Variants in WNT5B observed in about 807,000 individuals in gnomAD.
The protein encoded by WNT5B is protein Wnt-5b.
WNT5B carries 18 observed loss-of-function variants against 36.5 expected under a neutral mutation model. The ratio of observed to expected loss-of-function variants is 0.49; its 90% CI spans 0.34 to 0.73. The LOEUF is 0.73. Ranked by LOEUF, WNT5B falls within the 30% of genes least tolerant of loss-of-function variation. WNT5B has a pLI of 0.01. For missense variants in WNT5B, 424 were observed against 508.4 expected (o/e 0.83, Z 1.60); for synonymous variants, 213 against 212.3 (o/e 1.00, Z -0.03).
chr12:1,636,923 G>A (rs550745820), intron 3 of WNT5B, among the ~76,000 whole-genome samples: 1 of 152,198 alleles, frequency 6.6e-6, no homozygotes, highest in East Asian at 1.9e-4. Flanking sequence ...GGCCAAGCGG[G>A]TCTCGAACTC....
At chr12:1,626,642 G>A (rs188648075), upstream of WNT5B, among the ~76,000 whole-genome samples, 1,361 of 150,880 alleles carry the variant, frequency 9.0e-3, 20 homozygotes, top group African/African-American at 0.032. Flanking sequence ...TTGACCCACT[G>A]CACGCTCCGC....
chr12:1,623,337 A>T, intron 1 of WNT5B, among the ~76,000 whole-genome samples: 1 of 150,212 alleles, frequency 6.7e-6, no homozygotes. Flanking sequence ...CTGGGACTAC[A>T]GGCGCCCACC....
intron 4 of WNT5B, among the ~76,000 whole-genome samples, chr12:1,641,318 G>A (rs983725505): frequency 2.7e-4 from 40 of 149,936 alleles, no homozygotes; most frequent in Admixed American, 1.2e-3. Context: ...CCTGGGAGGC[G>A]GAGGCTGCAG....
At position 1,631,411 on chromosome 12, in the gene WNT5B, T is replaced by G. The variant is rs2094550607; in HGVS notation, c.57T>G (p.Leu19=). ...CTCTGCTGTCCAGCTGGGCTCAGCT[T>G]CTGACAGACGCCAACTCCTGGTGGT... ...TAALLSSWAQ[L]LTDANSWWSL... Residue 19 remains leucine, a synonymous_variant, in exon 2 of 5, where the codon CTT becomes CTG. Transcript: ENST00000397196. 6.2e-7 allele frequency: 1 copy of G among 1,614,134 alleles called. No homozygotes were observed. The highest frequency in any genetic ancestry group is 8.5e-7 in the Non-Finnish European group (1 of 1,180,030).
chr12:1,617,542 A>T (rs1218859655), intron 1 of WNT5B, among the ~76,000 whole-genome samples: 2 of 152,108 alleles, frequency 1.3e-5, no homozygotes, highest in Non-Finnish European at 2.9e-5. Flanking sequence ...AGGTAGGAGG[A>T]TCACCTGACC....
chr12:1,634,903 C>T (rs149541858), intron 3 of WNT5B, among the ~76,000 whole-genome samples: 1,600 of 152,340 alleles, frequency 0.011, 37 homozygotes, highest in Admixed American at 0.026. Context: ...CTGCTGTCTC[C>T]TGTAGGGAAA....
rs1461106389 is a variant in WNT5B at position 1,646,466 on chromosome 12, A to C, written c.*214A>C. The C allele has an allele frequency of 3.1e-6, 1 of 327,548 alleles. No homozygotes were observed. The highest frequency in any genetic ancestry group is 4.6e-5 in the Admixed American group (1 of 21,950). The allele number at this position is 327,548 out of a possible 1,614,324, so 20.3% of individuals were successfully genotyped here. A position where few individuals can be genotyped will look rare whatever the true frequency, so the allele number is the denominator to read the frequency against. ...TCTCTCCTCTTGGTGGGTGGGAGAC[A>C]GGGCTTTTTCTCTCCCTCTGGCGAG... On this transcript the variant is annotated 3_prime_UTR_variant, in exon 5 of 5. Coordinates refer to ENST00000397196, the MANE Select transcript of WNT5B (RefSeq NM_032642.3).
At position 1,618,068 on chromosome 12, in the gene WNT5B, G is replaced by A. The variant is rs1308643843; in HGVS notation, c.-58+925G>A. 2.6e-5 allele frequency among the ~76,000 whole-genome samples: 4 copies of A among 152,126 alleles called. No individual in the cohort carries two copies. Among genetic ancestry groups the A allele is most frequent in the Non-Finnish European group, 5.9e-5 (4 of 68,028 alleles). On this transcript the variant is annotated intron_variant, in intron 1 of 4. Transcript: ENST00000310594. This position sits in a 1 kb window ranked among gnomAD's most constrained non-coding sequence, Gnocchi z 4.1. ...GAGGTGGGAGGATCGCTTGAGCCCA[G>A]GAGTTCGAGGCTGCAGTGAGCTGTG...
chr12:1,620,405 C>G (rs1202796673), intron 1 of WNT5B, among the ~76,000 whole-genome samples: 1 of 152,198 alleles, frequency 6.6e-6, no homozygotes, highest in African/African-American at 2.4e-5. Flanking sequence ...TTGCATGTAA[C>G]TTGTAGTTTG....
At chr12:1,631,239 C>G (rs1252213927) in intron 1 of WNT5B, 59 bp from the exon 2 acceptor site, 2 of 1,477,590 alleles carry the variant, frequency 1.4e-6, no homozygotes, top group East Asian at 2.3e-5. Context: ...CACCCCGGCT[C>G]CTGGTCTGCC....
At chr12:1,631,847 G>A (rs760567315) in intron 2 of WNT5B, among the ~76,000 whole-genome samples, 7 of 152,138 alleles carry the variant, frequency 4.6e-5, no homozygotes, top group Non-Finnish European at 7.3e-5. Flanking sequence ...ACAGCACCAT[G>A]GGTGGCTGGC....
chr12:1,624,800 A>C (rs1020891612), upstream of WNT5B, among the ~76,000 whole-genome samples: 1 of 152,194 alleles, frequency 6.6e-6, no homozygotes, highest in South Asian at 2.1e-4. Flanking sequence ...AGAAGTAAGA[A>C]GTATATACTT....
Position 1,630,731 on chromosome 12 carries a change from G to C in WNT5B, c.-57-567G>C, listed in dbSNP as rs796557388. ...TGAAAAGTCCTTGATCTGTACGCAG[G>C]GGTTGGGACTTAGGAAACCCGCTGA... On this transcript the variant is annotated intron_variant, in intron 1 of 4. Transcript: ENST00000397196. This position sits in a 1 kb window ranked among gnomAD's most constrained non-coding sequence, Gnocchi z 5.3. The C allele has an allele frequency of 2.6e-5, 4 of 152,516 alleles. No individual in the cohort carries two copies. Among genetic ancestry groups the C allele is most frequent in the African/African-American group, 9.6e-5 (4 of 41,588 alleles). 9.4% of individuals were successfully genotyped at this position (152,516 alleles called of 1,614,324 possible).
chr12:1,646,011 ATG>A lies in WNT5B; in HGVS notation c.842_843del (p.Val281GlyfsTer34). The A allele has an allele frequency of 2.5e-6, 4 of 1,612,504 alleles. No homozygotes were observed. Among genetic ancestry groups the A allele is most frequent in the Non-Finnish European group, 2.5e-6 (3 of 1,179,954 alleles). On this transcript the variant is annotated frameshift_variant, in exon 5 of 5. Coordinates refer to ENST00000397196, the MANE Select transcript of WNT5B (RefSeq NM_032642.3). LOFTEE classifies it high-confidence loss of function. The stretch of plus-strand genomic sequence containing the variant: ...CAGCCCACCCCGGAGGACCTGGTCT[ATG>A]TGGACCCCAGCCCCGACTACTGCCT...
intron 3 of WNT5B, among the ~76,000 whole-genome samples, chr12:1,635,043 C>A (rs750395322): frequency 1.3e-5 from 2 of 152,184 alleles, no homozygotes; most frequent in African/African-American, 2.4e-5. Context: ...TCTGAAGCCC[C>A]GAATTATCTC....
chr12:1,642,642 G>A (rs1489411841), intron 4 of WNT5B, among the ~76,000 whole-genome samples: 1 of 152,124 alleles, frequency 6.6e-6, no homozygotes, highest in Non-Finnish European at 1.5e-5. Flanking sequence ...GTCTGCACGT[G>A]CCTGTGATCA....
intron 1 of WNT5B, among the ~76,000 whole-genome samples, chr12:1,619,551 T>C (rs1382095754): frequency 6.6e-6 from 1 of 152,206 alleles, no homozygotes; most frequent in Non-Finnish European, 1.5e-5. Context: ...TCATCTTTGG[T>C]TACTACTTTT....
chr12:1,619,347 G>A (rs2094530835), intron 1 of WNT5B, among the ~76,000 whole-genome samples: 1 of 152,112 alleles, frequency 6.6e-6, no homozygotes, highest in African/African-American at 2.4e-5. Flanking sequence ...ATGCCTCAGG[G>A]CTAGGAGGAT....
chr12:1,632,627 T>A lies in WNT5B; in HGVS notation c.81-31T>A. The A allele has an allele frequency of 5.1e-6, 8 of 1,563,990 alleles. No homozygotes were observed. Among genetic ancestry groups the A allele is most frequent in the Non-Finnish European group, 7.0e-6 (8 of 1,147,352 alleles). On this transcript the variant is annotated intron_variant, in intron 2 of 4. Transcript: ENST00000397196. This position sits in a 1 kb window ranked among gnomAD's most constrained non-coding sequence, Gnocchi z 5.8. ...ACAGGCGTATGCTCACTCCTGGGCC[T>A]TTTTTTCCCCTTTCTGGATTGCTGT...
Sources: allele counts gnomAD v4.1 joint callset (sites outside exome capture counted in the v4.1 genomes callset), GRCh38; gene constraint gnomAD v4.1.1; non-coding constraint Gnocchi (gnomAD v3.1); transcripts MANE v1.5; gene names NCBI Gene and HGNC (gene_info 2026-07-23, HGNC 2026-07-21).